Variants in DPY19L1 observed in about 807,000 individuals in gnomAD.
DPY19L1 encodes dpy-19 like C-mannosyltransferase 1, also known as protein C-mannosyl-transferase DPY19L1.
DPY19L1 carries 35 observed loss-of-function variants against 96.9 expected under a neutral mutation model. The ratio of observed to expected loss-of-function variants is 0.36; its 90% CI spans 0.28 to 0.48. DPY19L1 has a LOEUF of 0.48. Ranked by LOEUF, DPY19L1 falls within the 20% of genes least tolerant of loss-of-function variation. The probability of loss-of-function intolerance (pLI) is 0.99; values close to 1 mark genes in which losing one functional copy is unlikely to be tolerated. For synonymous variants in DPY19L1, 205 were observed against 252.6 expected (o/e 0.81, Z 1.79); for missense variants, 521 against 777.9 (o/e 0.67, Z 3.93).
intron 20 of DPY19L1, 24 bp from the exon 21 acceptor site, chr7:34,938,143 T>C (rs778809009): frequency 4.4e-6 from 7 of 1,608,100 alleles, no homozygotes; most frequent in Non-Finnish European, 5.9e-6. Context: ...TAATTGGGCA[T>C]AAAATTTTCA....
chr7:35,009,104 T>C (rs1158204618), intron 6 of DPY19L1, among the ~76,000 whole-genome samples: 1 of 152,244 alleles, frequency 6.6e-6, no homozygotes, highest in Non-Finnish European at 1.5e-5. Context: ...GTCTTAAATC[T>C]ATATGCAAAT....
chr7:34,933,332 T>C (rs1313135861), intron 21 of DPY19L1, among the ~76,000 whole-genome samples: 1 of 152,266 alleles, frequency 6.6e-6, no homozygotes, highest in Non-Finnish European at 1.5e-5. Flanking sequence ...ACCATTATTA[T>C]GCTTCGCATC....
At chr7:35,017,320 C>T (rs1437657288) in intron 3 of DPY19L1, among the ~76,000 whole-genome samples, 3 of 151,096 alleles carry the variant, frequency 2.0e-5, no homozygotes, top group Admixed American at 6.6e-5. Context: ...GGTGAAACCC[C>T]GTCTCTACTA....
intron 4 of DPY19L1, among the ~76,000 whole-genome samples, chr7:35,012,699 CAA>C (rs1271146944): frequency 6.7e-6 from 1 of 150,178 alleles, no homozygotes; most frequent in Non-Finnish European, 1.5e-5. Context: ...GTATAAAAGA[CAA>C]AAAAGATTCA....
At chr7:35,036,312 T>C (rs1786397921) in intron 1 of DPY19L1, among the ~76,000 whole-genome samples, 1 of 152,190 alleles carries the variant, frequency 6.6e-6, no homozygotes, top group Non-Finnish European at 1.5e-5. Flanking sequence ...TTAGAAAAAT[T>C]AGGCCTGTTA....
chr7:34,956,653 G>A (rs1263375747), intron 11 of DPY19L1, among the ~76,000 whole-genome samples: 1 of 151,710 alleles, frequency 6.6e-6, no homozygotes, highest in African/African-American at 2.4e-5. Flanking sequence ...ACAGGCGCCC[G>A]CCACCATGCC....
At chr7:35,006,202 G>A (rs1203639512) in intron 6 of DPY19L1, among the ~76,000 whole-genome samples, 1 of 152,074 alleles carries the variant, frequency 6.6e-6, no homozygotes, top group East Asian at 1.9e-4. Flanking sequence ...TTTTTCCAGA[G>A]AACTGTTAAA....
chr7:34,933,564 T>C (rs1042955305), intron 21 of DPY19L1, among the ~76,000 whole-genome samples: 17 of 152,194 alleles, frequency 1.1e-4, no homozygotes, highest in African/African-American at 4.1e-4. Flanking sequence ...TTTGAGTCAG[T>C]GGACTGGGAG....
chr7:35,029,123 C>G (rs915019781), intron 1 of DPY19L1, among the ~76,000 whole-genome samples: 10 of 152,138 alleles, frequency 6.6e-5, no homozygotes, highest in African/African-American at 2.4e-4. Context: ...GGTAATGCAG[C>G]CTGGTAGGTC....
intron 20 of DPY19L1, 21 bp downstream of exon 20, chr7:34,939,255 G>C: frequency 6.3e-7 from 1 of 1,597,850 alleles, no homozygotes; most frequent in East Asian, 2.3e-5. Flanking sequence ...TTGTTTTGAT[G>C]ATGCAAGACT....
At chr7:34,969,141 CG>C (rs1404248135) in intron 9 of DPY19L1, among the ~76,000 whole-genome samples, 3 of 151,974 alleles carry the variant, frequency 2.0e-5, no homozygotes, top group Non-Finnish European at 4.4e-5. Flanking sequence ...AAGCACTTAA[CG>C]ATACTGAATA....
intron 10 of DPY19L1, among the ~76,000 whole-genome samples, chr7:34,966,286 T>A (rs907336340): frequency 9.2e-5 from 14 of 152,182 alleles, no homozygotes; most frequent in African/African-American, 3.1e-4. Flanking sequence ...CAGTTGACGC[T>A]CAGTTAATGA....
At chr7:35,012,379 C>A (rs116396955) in intron 4 of DPY19L1, among the ~76,000 whole-genome samples, 1 of 152,156 alleles carries the variant, frequency 6.6e-6, no homozygotes. Context: ...CGACTACTTC[C>A]TGCATGCAAA....
At chr7:34,954,596 T>C in intron 13 of DPY19L1, 102 bp downstream of exon 13, 1 of 636,590 alleles carries the variant, frequency 1.6e-6, no homozygotes, top group East Asian at 3.1e-5. Flanking sequence ...ACAGACTTCA[T>C]CCTAGAATTT....
intron 1 of DPY19L1, among the ~76,000 whole-genome samples, chr7:35,023,844 T>TTTG (rs1786056598): frequency 6.9e-6 from 1 of 145,374 alleles, no homozygotes; most frequent in Non-Finnish European, 1.5e-5. Flanking sequence ...TTTTTTTTTT[T>TTTG]TTTTTTTTTG....
chr7:34,966,149 A>T (rs372184481), intron 10 of DPY19L1, among the ~76,000 whole-genome samples: 1 of 151,556 alleles, frequency 6.6e-6, no homozygotes, highest in East Asian at 1.9e-4. Context: ...TCAAATCCTT[A>T]TCACCTTCTA....
chr7:34,961,854 C>CA (rs1011666051), intron 10 of DPY19L1, among the ~76,000 whole-genome samples: 17 of 151,510 alleles, frequency 1.1e-4, no homozygotes, highest in Admixed American at 2.6e-4. Flanking sequence ...ACACAGATGG[C>CA]AAAAAAAAGT....
intron 6 of DPY19L1, among the ~76,000 whole-genome samples, chr7:34,997,609 CAAAAAAAA>C (rs3048611): frequency 4.9e-4 from 37 of 75,656 alleles, no homozygotes; most frequent in South Asian, 1.6e-3. Context: ...GACTCCGTCT[CAAAAAAAA>C]AAAAAAAAAA....
At chr7:34,940,602 C>A (rs1220714378) in intron 18 of DPY19L1, among the ~76,000 whole-genome samples, 1 of 151,906 alleles carries the variant, frequency 6.6e-6, no homozygotes, top group African/African-American at 2.4e-5. Context: ...TTACAAGGCC[C>A]AGTACAAAAC....
Sources: allele counts gnomAD v4.1 joint callset (sites outside exome capture counted in the v4.1 genomes callset), GRCh38; gene constraint gnomAD v4.1.1; transcripts MANE v1.5; gene names NCBI Gene and HGNC (gene_info 2026-07-23, HGNC 2026-07-21).